The following SV2C variants were observed in gnomAD, a reference collection of about 807,000 sequenced individuals.
The protein encoded by SV2C is synaptic vesicle glycoprotein 2C, also known as solute carrier family 22 member B3.
Under a neutral mutation model 79.7 loss-of-function variants are expected in SV2C, and 49 were observed. That is an observed-to-expected ratio of 0.61 (90% CI 0.49 to 0.78). SV2C has a LOEUF of 0.78. Ranked by LOEUF, SV2C falls within the 30% of genes least tolerant of loss-of-function variation. The pLI is 0.00. For synonymous variants in SV2C, 334 were observed against 333.2 expected (o/e 1.00, Z -0.03); for missense variants, 833 against 912.9 (o/e 0.91, Z 1.13).
the SV2C span, among the ~76,000 whole-genome samples, chr5:75,983,062 C>T: frequency 1.3e-5 from 2 of 152,042 alleles, no homozygotes; most frequent in Non-Finnish European, 2.9e-5. Flanking sequence ...TACAACAAAC[C>T]CTCATGATAC....
chr5:75,883,796 CCTG>C, the SV2C span, among the ~76,000 whole-genome samples: 2,787 of 151,184 alleles, frequency 0.018, 80 homozygotes, highest in African/African-American at 0.062. Context: ...ATGTAACTAA[CCTG>C]CACATTGTGC....
chr5:76,347,880 G>C (rs1397840381), intron 12 of SV2C, among the ~76,000 whole-genome samples: 1 of 152,122 alleles, frequency 6.6e-6, no homozygotes, highest in African/African-American at 2.4e-5. Context: ...CCCCTCACCA[G>C]AGTGGTAATT....
At chr5:75,964,427 A>T in the SV2C span, among the ~76,000 whole-genome samples, 1 of 152,168 alleles carries the variant, frequency 6.6e-6, no homozygotes, top group Non-Finnish European at 1.5e-5. Flanking sequence ...TGCCTGATAT[A>T]GTGGGGGCTC....
At chr5:76,218,975 T>C (rs1033663727) in intron 4 of SV2C, among the ~76,000 whole-genome samples, 1 of 148,570 alleles carries the variant, frequency 6.7e-6, no homozygotes. Context: ...CACCTGTCAT[T>C]TGAAGTTGTG....
At position 76,291,339 on chromosome 5, in the gene SV2C, A is replaced by G. The variant is rs1436624320; in HGVS notation, c.1248+8A>G. On this transcript the variant is annotated splice_region_variant and intron_variant, in intron 7 of 12. Coordinates refer to ENST00000502798, the MANE Select transcript of SV2C (RefSeq NM_014979.4). The stretch of plus-strand genomic sequence containing the variant: ...CGCACCGAGCTGTACGGAGTAAGTA[A>G]CAAGTCCCATGATGACCTGCATGTT... 1 of 1,585,166 alleles carries G rather than the reference A, an allele frequency of 6.3e-7. No individual in the cohort carries two copies. The highest frequency in any genetic ancestry group is 8.6e-7 in the Non-Finnish European group (1 of 1,166,890).
chr5:76,304,457 A>T (rs886953453), intron 12 of SV2C, among the ~76,000 whole-genome samples: 1 of 152,244 alleles, frequency 6.6e-6, no homozygotes, highest in Non-Finnish European at 1.5e-5. Context: ...TCATCTCCCC[A>T]TGGAGGCAGG....
At chr5:76,114,134 G>A (rs1748183896) in intron 1 of SV2C, among the ~76,000 whole-genome samples, 2 of 152,298 alleles carry the variant, frequency 1.3e-5, no homozygotes, top group South Asian at 2.1e-4. Flanking sequence ...TGGTCTCAAA[G>A]CTGTGCTCCC....
At chr5:76,282,918 A>T (rs1026518663) in intron 4 of SV2C, among the ~76,000 whole-genome samples, 1 of 152,194 alleles carries the variant, frequency 6.6e-6, no homozygotes, top group African/African-American at 2.4e-5. Flanking sequence ...AGGCTAAGGC[A>T]TGAGAATCAT....
At chr5:75,864,503 T>C in the SV2C span, among the ~76,000 whole-genome samples, 7 of 152,232 alleles carry the variant, frequency 4.6e-5, no homozygotes, top group South Asian at 1.5e-3. Flanking sequence ...GTTACATCTG[T>C]TATACTCCTT....
intron 4 of SV2C, among the ~76,000 whole-genome samples, chr5:76,229,069 G>C (rs183163778): frequency 6.6e-6 from 1 of 152,154 alleles, no homozygotes; most frequent in South Asian, 2.1e-4. Context: ...CCCACAAAAC[G>C]TGTCCTCCAA....
rs57910684 is a variant in SV2C at position 76,150,626 on chromosome 5, C to CTTTTTTTTTT, written c.580+18316_580+18325dup. ...TATTCGTCTGTTTATTCATCAAATTCTTTTTTTTTTTTTTTTTTTTTTTTT... is the reference window on the plus strand; with the variant it reads ...TATTCGTCTGTTTATTCATCAAATTCTTTTTTTTTTTTTTTTTTTTTTTTTTTTTTTTTTT... On this transcript the variant is annotated intron_variant, in intron 2 of 12. Transcript: ENST00000502798. 1.1e-4 allele frequency among the ~76,000 whole-genome samples: 6 copies of CTTTTTTTTTT among 56,494 alleles called. 2 individuals are homozygous for CTTTTTTTTTT. Among genetic ancestry groups the CTTTTTTTTTT allele is most frequent in the Admixed American group, 9.3e-4 (3 of 3,218 alleles). 37.1% of individuals were successfully genotyped at this position (56,494 alleles called of 152,430 possible). A position where few individuals can be genotyped will look rare whatever the true frequency, so the allele number is the denominator to read the frequency against.
At position 76,325,584 on chromosome 5, in the gene SV2C, C is replaced by T; in HGVS notation, c.*37C>T. On this transcript the variant is annotated 3_prime_UTR_variant, in exon 13 of 13. Transcript: ENST00000502798. ...GCCATCCTTCCTGCGTTTCTTCCTC[C>T]TGCCCTGGGTCAATTCTCCTTCCTG... is the stretch of plus-strand genomic sequence containing the variant. The T allele has an allele frequency of 6.2e-7, 1 of 1,608,898 alleles. No individual in the cohort carries two copies. Among genetic ancestry groups the T allele is most frequent in the Non-Finnish European group, 8.5e-7 (1 of 1,177,594 alleles).
the SV2C span, among the ~76,000 whole-genome samples, chr5:76,046,046 G>T: frequency 6.6e-6 from 1 of 152,174 alleles, no homozygotes; most frequent in Middle Eastern, 3.2e-3. Flanking sequence ...ATAGTGGGAA[G>T]AGATAGGCAC....
intron 4 of SV2C, among the ~76,000 whole-genome samples, chr5:76,268,870 G>GTAT (rs1304631025): frequency 6.6e-6 from 1 of 152,120 alleles, no homozygotes; most frequent in Non-Finnish European, 1.5e-5. Context: ...TAACAAAAAA[G>GTAT]TATATTCAAA....
chr5:75,902,849 G>A, the SV2C span, among the ~76,000 whole-genome samples: 1 of 152,214 alleles, frequency 6.6e-6, no homozygotes, highest in African/African-American at 2.4e-5. Context: ...GATGTGTGAT[G>A]TTGTATTGGG....
At chr5:76,118,401 C>T (rs1748352472) in intron 1 of SV2C, among the ~76,000 whole-genome samples, 1 of 152,194 alleles carries the variant, frequency 6.6e-6, no homozygotes, top group African/African-American at 2.4e-5. Context: ...GTCACATTCA[C>T]AGGTTCTGGA....
At chr5:76,303,785 A>G (rs778818778) in intron 12 of SV2C, among the ~76,000 whole-genome samples, 2 of 152,252 alleles carry the variant, frequency 1.3e-5, no homozygotes, top group Non-Finnish European at 2.9e-5. Flanking sequence ...CAGGTCCTCC[A>G]TGAAGCAGAT....
intron 6 of SV2C, among the ~76,000 whole-genome samples, chr5:76,287,991 A>G (rs1002548011): frequency 1.3e-5 from 2 of 151,356 alleles, no homozygotes; most frequent in Admixed American, 1.3e-4. Context: ...AAGCTGAGGC[A>G]GGAGAATGGC....
chr5:76,176,633 C>A (rs1743538653), intron 2 of SV2C, among the ~76,000 whole-genome samples: 2 of 152,150 alleles, frequency 1.3e-5, no homozygotes, highest in African/African-American at 4.8e-5. Flanking sequence ...CCAAAAACAT[C>A]TTTCCTGGGA....
Sources: gnomAD v4.1 joint callset for allele counts (sites outside exome capture counted in the v4.1 genomes callset) on GRCh38, gnomAD v4.1.1 for gene constraint, MANE v1.5 for transcripts, NCBI Gene and HGNC (gene_info 2026-07-23, HGNC 2026-07-21) for gene names.